The following EPHA6 variants were observed in gnomAD, a reference collection of about 807,000 sequenced individuals.
EPHA6 encodes the protein ephrin type-A receptor 6.
A neutral mutation model predicts 112.0 loss-of-function variants in EPHA6; 50 were observed. The observed-to-expected ratio is 0.45, with a 90% CI of 0.36 to 0.56. EPHA6 has a LOEUF of 0.56. Among genes scored for constraint, EPHA6 ranks in the 20% least tolerant of loss-of-function variants. The pLI, the probability that EPHA6 is intolerant of heterozygous loss-of-function variation, is 0.00. For missense variants in EPHA6, 1,280 were observed against 1,417.4 expected, an observed-to-expected ratio of 0.90 and a Z score of 1.56; for synonymous variants, 529 against 490.7, an observed-to-expected ratio of 1.08 and a Z score of -1.03.
intron 14 of EPHA6, among the ~76,000 whole-genome samples, chr3:97,638,662 A>G (rs970409124): frequency 6.6e-6 from 1 of 152,170 alleles, no homozygotes; most frequent in Admixed American, 6.5e-5. Flanking sequence ...TATCAGTTCA[A>G]TTTGTCCTAT....
chr3:97,672,115 T>A (rs1279112765), intron 14 of EPHA6, among the ~76,000 whole-genome samples: 1 of 152,186 alleles, frequency 6.6e-6, no homozygotes, highest in Non-Finnish European at 1.5e-5. Flanking sequence ...TAAATTTAGA[T>A]CCAAAATTAT....
chr3:97,604,910 T>C (rs1269525007), intron 12 of EPHA6, among the ~76,000 whole-genome samples: 1 of 151,588 alleles, frequency 6.6e-6, no homozygotes, highest in Non-Finnish European at 1.5e-5. Context: ...TCTTCTGACA[T>C]TCAACTCAAA....
At chr3:96,846,219 A>G (rs574868324) in intron 1 of EPHA6, among the ~76,000 whole-genome samples, 1 of 152,174 alleles carries the variant, frequency 6.6e-6, no homozygotes, top group South Asian at 2.1e-4. Flanking sequence ...GTAGCCAGGA[A>G]GATTGAAAGC....
intron 2 of EPHA6, among the ~76,000 whole-genome samples, chr3:96,922,583 C>G (rs767782095): frequency 2.0e-5 from 3 of 151,752 alleles, no homozygotes; most frequent in Admixed American, 1.3e-4. Flanking sequence ...TTTACTTTAA[C>G]AAATGATAAA....
At chr3:97,696,734 T>G (rs564362472) in intron 14 of EPHA6, among the ~76,000 whole-genome samples, 87 of 152,304 alleles carry the variant, frequency 5.7e-4, no homozygotes, top group African/African-American at 1.9e-3. Flanking sequence ...GTCCAAGCGT[T>G]GCTACATGTG....
intron 5 of EPHA6, among the ~76,000 whole-genome samples, chr3:97,344,455 C>T (rs1441130289): frequency 6.6e-6 from 1 of 152,246 alleles, no homozygotes; most frequent in East Asian, 1.9e-4. Context: ...TAAGAAGAGA[C>T]ACACGAGAGC....
At chr3:96,825,727 C>T (rs186500544) in intron 1 of EPHA6, among the ~76,000 whole-genome samples, 7 of 151,770 alleles carry the variant, frequency 4.6e-5, no homozygotes, top group Admixed American at 3.3e-4. Context: ...GCAGATTACC[C>T]GTGATTAGCT....
chr3:97,598,162 AT>A (rs529118021), intron 12 of EPHA6, among the ~76,000 whole-genome samples: 25 of 150,450 alleles, frequency 1.7e-4, no homozygotes, highest in South Asian at 8.4e-4. Context: ...TTATTTATTT[AT>A]TTTTTTTGGA....
chr3:96,865,052 G>T (rs1339430572), intron 1 of EPHA6, among the ~76,000 whole-genome samples: 1 of 151,958 alleles, frequency 6.6e-6, no homozygotes. Flanking sequence ...GGTAATTATT[G>T]AACCTGAGTG....
At chr3:97,121,671 C>G (rs948285283) in intron 3 of EPHA6, among the ~76,000 whole-genome samples, 1 of 152,062 alleles carries the variant, frequency 6.6e-6, no homozygotes, top group African/African-American at 2.4e-5. Context: ...ACTGCTTTCC[C>G]AAGAGGTTCC....
intron 2 of EPHA6, among the ~76,000 whole-genome samples, chr3:96,892,461 GA>G (rs2038021707): frequency 6.6e-6 from 1 of 152,072 alleles, no homozygotes; most frequent in African/African-American, 2.4e-5. Context: ...GACTTCAAGT[GA>G]TCCACCTGCC....
chr3:96,870,074 G>T (rs1383351600), intron 2 of EPHA6, among the ~76,000 whole-genome samples: 1 of 152,046 alleles, frequency 6.6e-6, no homozygotes, highest in East Asian at 1.9e-4. Flanking sequence ...TCATGTATTG[G>T]TCATGGTTCT....
At chr3:97,373,348 G>A (rs1203683675) in intron 5 of EPHA6, among the ~76,000 whole-genome samples, 1 of 152,008 alleles carries the variant, frequency 6.6e-6, no homozygotes, top group African/African-American at 2.4e-5. Context: ...CCTTACGATG[G>A]CAGCTTAGTC....
intron 3 of EPHA6, among the ~76,000 whole-genome samples, chr3:97,225,487 T>G (rs1009081172): frequency 6.6e-6 from 1 of 152,194 alleles, no homozygotes; most frequent in Non-Finnish European, 1.5e-5. Context: ...TATTTATGTA[T>G]TCTGAATTTT....
intron 14 of EPHA6, among the ~76,000 whole-genome samples, chr3:97,700,693 C>CCA (rs1342140847): frequency 2.0e-5 from 3 of 152,080 alleles, no homozygotes; most frequent in Non-Finnish European, 4.4e-5. Context: ...AAGAAATACA[C>CCA]CACACACACA....
chr3:96,860,613 A>G (rs2035953686), intron 1 of EPHA6, among the ~76,000 whole-genome samples: 1 of 152,154 alleles, frequency 6.6e-6, no homozygotes, highest in South Asian at 2.1e-4. Flanking sequence ...GGTTAGAACT[A>G]GAAAGGCAAG....
intron 10 of EPHA6, among the ~76,000 whole-genome samples, chr3:97,499,788 G>A (rs1274286850): frequency 6.6e-6 from 1 of 152,146 alleles, no homozygotes; most frequent in Non-Finnish European, 1.5e-5. Context: ...AAGCTTGAAG[G>A]ACTAGAAGTT....
In EPHA6 at chr3:97,754,971, G is replaced by C. The variant is rs2035991494; in HGVS notation, c.*6270G>C. Among the ~76,000 whole-genome samples the C allele has an allele frequency of 6.6e-6, 1 of 152,170 alleles. No homozygotes were observed. The highest frequency in any genetic ancestry group is 1.9e-4 in the East Asian group (1 of 5,186). On this transcript the variant is annotated 3_prime_UTR_variant, in exon 18 of 18. Transcript: ENST00000389672. ...AACCGCCTCGGCCTCCCAAAGTGGT[G>C]GGATTACAGGCGTGAGCCACCGCGC...
chr3:97,107,237 G>A (rs181825028), intron 3 of EPHA6, among the ~76,000 whole-genome samples: 28 of 151,970 alleles, frequency 1.8e-4, no homozygotes, highest in African/African-American at 6.5e-4. Flanking sequence ...TTTTATACTG[G>A]GAGAAAAATC....
Sources: allele counts gnomAD v4.1 joint callset (sites outside exome capture counted in the v4.1 genomes callset), GRCh38; gene constraint gnomAD v4.1.1; transcripts MANE v1.5; gene names NCBI Gene and HGNC (gene_info 2026-07-23, HGNC 2026-07-21).